Variants in FGF12 observed in about 807,000 individuals in gnomAD.
FGF12 encodes the protein fibroblast growth factor 12B.
A neutral mutation model predicts 23.6 loss-of-function variants in FGF12; 14 were observed. That is an observed-to-expected ratio of 0.59 (90% CI 0.39 to 0.93). The LOEUF is 0.93. Ranked by LOEUF, FGF12 falls within the 40% of genes least tolerant of loss-of-function variation. The pLI is 0.00. For missense variants in FGF12, 175 were observed against 217.8 expected (o/e 0.80, Z 1.24); for synonymous variants, 62 against 77.3 (o/e 0.80, Z 1.04).
chr3:192,299,916 C>T (rs2108658402), intron 4 of FGF12, among the ~76,000 whole-genome samples: 1 of 152,276 alleles, frequency 6.6e-6, no homozygotes, highest in East Asian at 1.9e-4. Flanking sequence ...TAGATATTTC[C>T]TCATTAGAAG....
rs184059309 is a variant in FGF12, at chr3:192,344,017, A to T, written c.125-8553T>A. 8.5e-3 allele frequency among the ~76,000 whole-genome samples: 1,295 copies of T among 152,246 alleles called. 16 individuals are homozygous for T. Among genetic ancestry groups the T allele is most frequent in the African/African-American group, 0.03 (1,228 of 41,560 alleles). ...ATTTAATGAGGTTGCAATTTTTTGAATTTCTGCAATCAGACCTTGGCGATG... is the reference window on the plus strand; with the variant it reads ...ATTTAATGAGGTTGCAATTTTTTGATTTTCTGCAATCAGACCTTGGCGATG... On this transcript the variant is annotated intron_variant, in intron 3 of 5. Coordinates refer to ENST00000445105, the MANE Select transcript of FGF12 (RefSeq NM_004113.6).
chr3:192,502,211 A>G (rs78028738), intron 2 of FGF12, among the ~76,000 whole-genome samples: 1 of 152,124 alleles, frequency 6.6e-6, no homozygotes, highest in African/African-American at 2.4e-5. Context: ...TACCCCTCCC[A>G]CCACCACCAT....
chr3:192,315,951 A>G (rs1258881798), intron 4 of FGF12, among the ~76,000 whole-genome samples: 1 of 152,202 alleles, frequency 6.6e-6, no homozygotes, highest in Non-Finnish European at 1.5e-5. Flanking sequence ...AATGTAACCC[A>G]AACCGATTTA....
intron 2 of FGF12, among the ~76,000 whole-genome samples, chr3:192,576,196 T>C (rs1175437440): frequency 6.6e-6 from 1 of 152,210 alleles, no homozygotes. Context: ...ATGTTGCCTT[T>C]GGGTTAGAAA....
At chr3:192,171,519 T>A (rs1715558638) in intron 4 of FGF12, among the ~76,000 whole-genome samples, 1 of 152,232 alleles carries the variant, frequency 6.6e-6, no homozygotes, top group Non-Finnish European at 1.5e-5. Flanking sequence ...TGACTTATAA[T>A]GAGATTTAAA....
chr3:192,306,525 G>C (rs1310895495), intron 4 of FGF12, among the ~76,000 whole-genome samples: 1 of 152,178 alleles, frequency 6.6e-6, no homozygotes, highest in Non-Finnish European at 1.5e-5. Flanking sequence ...GGCTGAGGCA[G>C]GAGGATTGCT....
intron 2 of FGF12, among the ~76,000 whole-genome samples, chr3:192,688,249 C>T (rs937969573): frequency 4.6e-5 from 7 of 152,020 alleles, no homozygotes; most frequent in Non-Finnish European, 1.0e-4. Flanking sequence ...CAATGAGACA[C>T]CACATCCACC....
intron 4 of FGF12, among the ~76,000 whole-genome samples, chr3:192,325,729 AC>A (rs1171749794): frequency 1.3e-5 from 2 of 152,124 alleles, no homozygotes; most frequent in African/African-American, 4.8e-5. Flanking sequence ...AACTGTAAAA[AC>A]CAGGTGGCTT....
chr3:192,157,190 G>A (rs1409974118), intron 5 of FGF12, among the ~76,000 whole-genome samples: 1 of 152,176 alleles, frequency 6.6e-6, no homozygotes, highest in Non-Finnish European at 1.5e-5. Flanking sequence ...GAGATAGACA[G>A]TAGTTACCAG....
chr3:192,538,523 T>C (rs1475591074), intron 2 of FGF12, among the ~76,000 whole-genome samples: 1 of 152,248 alleles, frequency 6.6e-6, no homozygotes, highest in Non-Finnish European at 1.5e-5. Context: ...GTACTATAGC[T>C]CTGTAGTACA....
At chr3:192,271,562 C>T (rs1713439779) in intron 4 of FGF12, among the ~76,000 whole-genome samples, 1 of 152,184 alleles carries the variant, frequency 6.6e-6, no homozygotes, top group Admixed American at 6.6e-5. Context: ...ACCTGCCTAT[C>T]TCTAGCTTTC....
chr3:192,640,008 T>TAA (rs1270619162), intron 2 of FGF12, among the ~76,000 whole-genome samples: 6 of 142,640 alleles, frequency 4.2e-5, no homozygotes, highest in Admixed American at 3.5e-4. Flanking sequence ...TATGTAGAAT[T>TAA]AAAAAAAAAA....
chr3:192,561,043 C>T (rs1203179317), intron 2 of FGF12, among the ~76,000 whole-genome samples: 1 of 152,132 alleles, frequency 6.6e-6, no homozygotes, highest in East Asian at 1.9e-4. Flanking sequence ...AGAAGACTGT[C>T]ACAAGAGGTC....
chr3:192,158,662 T>TTCTTTCCTTCCTTCCC (rs1553844340), intron 5 of FGF12, among the ~76,000 whole-genome samples: 27 of 31,106 alleles, frequency 8.7e-4, no homozygotes, highest in Non-Finnish European at 1.5e-3. Context: ...CCTCCCTTCC[T>TTCTTTCCTTCCTTCCC]TCCCTCCCTC....
intron 2 of FGF12, among the ~76,000 whole-genome samples, chr3:192,639,368 G>A (rs772677748): frequency 3.3e-5 from 5 of 152,200 alleles, no homozygotes; most frequent in African/African-American, 4.8e-5. Flanking sequence ...GTGGATTAAC[G>A]TAACCATTAT....
intron 2 of FGF12, among the ~76,000 whole-genome samples, chr3:192,585,874 T>A (rs754016961): frequency 6.6e-6 from 1 of 152,188 alleles, no homozygotes; most frequent in African/African-American, 2.4e-5. Flanking sequence ...GTCGAATGTG[T>A]TTACATACAT....
At chr3:192,647,699 ATGTG>A (rs1577097536) in intron 2 of FGF12, among the ~76,000 whole-genome samples, 5 of 147,160 alleles carry the variant, frequency 3.4e-5, no homozygotes, top group African/African-American at 1.3e-4. Context: ...ATATGTATAT[ATGTG>A]TATATATACA....
At chr3:192,632,801 A>T (rs774379461) in intron 2 of FGF12, among the ~76,000 whole-genome samples, 1 of 152,146 alleles carries the variant, frequency 6.6e-6, no homozygotes, top group African/African-American at 2.4e-5. Context: ...GCACCTTAAA[A>T]CAACAGAAAT....
intron 4 of FGF12, among the ~76,000 whole-genome samples, chr3:192,288,628 A>T (rs1577322306): frequency 1.3e-5 from 2 of 152,234 alleles, no homozygotes; most frequent in East Asian, 3.9e-4. Context: ...TCAACTATAA[A>T]GTGTTCATAA....
Sources: allele counts gnomAD v4.1 joint callset (sites outside exome capture counted in the v4.1 genomes callset), GRCh38; gene constraint gnomAD v4.1.1; transcripts MANE v1.5; gene names NCBI Gene and HGNC (gene_info 2026-07-23, HGNC 2026-07-21).